The following PDE11A variants were observed in gnomAD, a reference collection of about 807,000 sequenced individuals.
PDE11A encodes the protein dual 3',5'-cyclic-AMP and -GMP phosphodiesterase 11A.
In PDE11A, 100 loss-of-function variants were observed where a neutral mutation model predicts 100.5. The ratio of observed to expected loss-of-function variants is 1.00; its 90% CI spans 0.85 to 1.18. The LOEUF (loss-of-function observed/expected upper bound fraction) is 1.18, where lower values mean the gene tolerates loss of function less well. Ranked by LOEUF, PDE11A falls within the 50% of genes most tolerant of loss-of-function variation. PDE11A has a pLI of 0.00. For synonymous variants in PDE11A, 381 were observed against 420.8 expected, an observed-to-expected ratio of 0.91 and a Z score of 1.16; for missense variants, 1,141 against 1,152.6, an observed-to-expected ratio of 0.99 and a Z score of 0.15.
chr2:177,889,025 C>G (rs2084485667), intron 4 of PDE11A, among the ~76,000 whole-genome samples: 1 of 152,238 alleles, frequency 6.6e-6, no homozygotes, highest in South Asian at 2.1e-4. Context: ...CCCAACTTCC[C>G]CACTCATCAC....
intron 1 of PDE11A, among the ~76,000 whole-genome samples, chr2:178,032,910 A>G (rs577390482): frequency 6.6e-6 from 1 of 152,374 alleles, no homozygotes; most frequent in Non-Finnish European, 1.5e-5. Context: ...TCAAAGATCA[A>G]AGGTAGATAA....
At chr2:177,767,947 G>A (rs1198910917) in intron 10 of PDE11A, among the ~76,000 whole-genome samples, 1 of 152,114 alleles carries the variant, frequency 6.6e-6, no homozygotes, top group Non-Finnish European at 1.5e-5. Flanking sequence ...CCTGACTGCT[G>A]TGGTTTTAGT....
intron 9 of PDE11A, among the ~76,000 whole-genome samples, chr2:177,775,448 C>T (rs78766567): frequency 0.17 from 25,777 of 152,088 alleles, 2,597 homozygotes; most frequent in East Asian, 0.22. Context: ...TGAAAAGTCA[C>T]CAGTGGCTTC....
intron 2 of PDE11A, among the ~76,000 whole-genome samples, chr2:177,959,240 G>T (rs944304942): frequency 1.3e-5 from 2 of 152,154 alleles, no homozygotes; most frequent in African/African-American, 4.8e-5. Context: ...CCTATGGCTG[G>T]AGAGTATTGA....
At chr2:177,904,283 T>C (rs2084744316) in intron 3 of PDE11A, among the ~76,000 whole-genome samples, 1 of 152,166 alleles carries the variant, frequency 6.6e-6, no homozygotes, top group Non-Finnish European at 1.5e-5. Context: ...TGTTTCTTTA[T>C]AATACTGTAA....
intron 1 of PDE11A, among the ~76,000 whole-genome samples, chr2:178,055,574 A>G (rs1348377065): frequency 6.6e-6 from 1 of 152,212 alleles, no homozygotes; most frequent in African/African-American, 2.4e-5. Flanking sequence ...TTGTAGTTCC[A>G]AATGCATTCA....
intron 9 of PDE11A, among the ~76,000 whole-genome samples, chr2:177,813,807 AT>A (rs2082990416): frequency 6.6e-6 from 1 of 151,008 alleles, no homozygotes; most frequent in African/African-American, 2.4e-5. Flanking sequence ...GGAATGGATT[AT>A]TTCCCTCCAC....
intron 1 of PDE11A, among the ~76,000 whole-genome samples, chr2:178,049,170 T>C (rs2086789707): frequency 6.6e-6 from 1 of 152,212 alleles, no homozygotes; most frequent in Non-Finnish European, 1.5e-5. Context: ...TGAATATGAC[T>C]TTGAGCCGGG....
chr2:177,734,478 GC>G (rs1457213247), intron 10 of PDE11A, among the ~76,000 whole-genome samples: 1 of 152,064 alleles, frequency 6.6e-6, no homozygotes, highest in Non-Finnish European at 1.5e-5. Context: ...ATACACTCCA[GC>G]CTGGGTAACA....
At chr2:177,737,418 A>ACACACACACACACACACACAC (rs2081803857) in intron 10 of PDE11A, among the ~76,000 whole-genome samples, 1 of 34,862 alleles carries the variant, frequency 2.9e-5, no homozygotes. Flanking sequence ...CTCTACTAAA[A>ACACACACACACACACACACAC]ATACACACAC....
intron 10 of PDE11A, among the ~76,000 whole-genome samples, chr2:177,750,026 C>G (rs571745314): frequency 6.6e-6 from 1 of 152,334 alleles, no homozygotes; most frequent in African/African-American, 2.4e-5. Flanking sequence ...AACCTTGCCA[C>G]TTCTGCTCAG....
chr2:177,767,492 C>A (rs78091830), intron 10 of PDE11A, among the ~76,000 whole-genome samples: 11,341 of 152,076 alleles, frequency 0.075, 545 homozygotes, highest in South Asian at 0.15. Flanking sequence ...ATTATAACAA[C>A]AGCAAAAATA....
chr2:177,904,957 C>G (rs575078438), intron 3 of PDE11A, 141 bp downstream of exon 3: 13 of 680,376 alleles, frequency 1.9e-5, no homozygotes, highest in Middle Eastern at 3.2e-4. Context: ...TCTTCAACCA[C>G]AGCCTTGCAG....
intron 9 of PDE11A, among the ~76,000 whole-genome samples, chr2:177,786,826 G>A (rs1574141030): frequency 6.6e-6 from 1 of 152,166 alleles, no homozygotes; most frequent in East Asian, 1.9e-4. Context: ...AGCGAGAAGG[G>A]AAGTTTAGAG....
rs1278628146 is a variant in PDE11A, at chr2:177,713,251, C to T, written c.2044-1373G>A. On this transcript the variant is annotated intron_variant, in intron 12 of 19. Transcript: ENST00000286063. Reference sequence around the variant, plus strand: ...CTCGAACTCCTGACATCAGGTGATCCACCCATCTCGGCCTCTCAAAATGCT... The same window carrying T: ...CTCGAACTCCTGACATCAGGTGATCTACCCATCTCGGCCTCTCAAAATGCT... Among the ~76,000 whole-genome samples the T allele has an allele frequency of 2.0e-5, 3 of 152,244 alleles. No homozygotes were observed. The East Asian group carries it at 5.8e-4, about 29-fold the overall frequency.
At chr2:177,928,421 C>T (rs1414868087) in intron 2 of PDE11A, among the ~76,000 whole-genome samples, 1 of 152,106 alleles carries the variant, frequency 6.6e-6, no homozygotes, top group African/African-American at 2.4e-5. Context: ...CCACTTGAGC[C>T]CAGGTGTTCA....
At chr2:178,096,061 ATT>A (rs1432975466) in intron 2 of PDE11A, among the ~76,000 whole-genome samples, 1 of 150,694 alleles carries the variant, frequency 6.6e-6, no homozygotes, top group African/African-American at 2.5e-5. Context: ...CATTTTCCCC[ATT>A]GTCTTGGTGC....
At chr2:178,087,912 T>C (rs186634002) in intron 2 of PDE11A, among the ~76,000 whole-genome samples, 1 of 152,248 alleles carries the variant, frequency 6.6e-6, no homozygotes, top group East Asian at 1.9e-4. Flanking sequence ...TTTTTGTTTT[T>C]TTCTTTTTGG....
In PDE11A at chr2:178,021,931, T is replaced by C. The variant is rs566087496; in HGVS notation, c.913-7471A>G. Among the ~76,000 whole-genome samples, 147 of 152,148 alleles carry C rather than the reference T, an allele frequency of 9.7e-4. 2 individuals carry two copies. The highest frequency in any genetic ancestry group is 1.9e-3 in the Admixed American group (29 of 15,258). On this transcript the variant is annotated intron_variant, in intron 1 of 19. Coordinates refer to ENST00000286063, the MANE Select transcript of PDE11A (RefSeq NM_016953.4). ...TGGCTCTTGTGGGAAGTGTCAGACA[T>C]GGGGTAGGAAAGACAGCTGGAGGCT... is the stretch of plus-strand genomic sequence containing the variant.
Sources: allele counts gnomAD v4.1 joint callset (sites outside exome capture counted in the v4.1 genomes callset), GRCh38; gene constraint gnomAD v4.1.1; transcripts MANE v1.5; gene names NCBI Gene and HGNC (gene_info 2026-07-23, HGNC 2026-07-21).